COL24A1: variants seen among roughly 807,000 people sequenced by gnomAD.
The protein encoded by COL24A1 is collagen alpha-1(XXIV) chain.
Under a neutral mutation model 253.9 loss-of-function variants are expected in COL24A1, and 224 were observed. The observed-to-expected ratio is 0.88, with a 90% confidence interval of 0.79 to 0.99. The LOEUF is 0.99. Among genes scored for constraint, COL24A1 ranks in the 50% least tolerant of loss-of-function variants. The pLI is 0.00. For synonymous variants in COL24A1, 685 were observed against 673.7 expected (o/e 1.02, Z -0.26); for missense variants, 2,131 against 2,068.5 (o/e 1.03, Z -0.59).
Position 85,833,159 on chromosome 1 carries a change from G to A in COL24A1, c.3681+5426C>T, listed in dbSNP as rs548314926. The stretch of plus-strand genomic sequence containing the variant: ...GAAGGGTTGTTGAATTTTGTCAAAG[G>A]CCTTTTCTCAGAGTGAACAGGCAAC... On this transcript the variant is annotated intron_variant, in intron 43 of 59. Coordinates refer to ENST00000370571, the MANE Select transcript of COL24A1 (RefSeq NM_152890.7). Among the ~76,000 whole-genome samples, 4 of 152,174 alleles carry A rather than the reference G, an allele frequency of 2.6e-5. No individual in the cohort carries two copies. The East Asian group carries it at 7.7e-4, about 29-fold the overall frequency.
chr1:85,791,271 G>A (rs1670243919), intron 47 of COL24A1, among the ~76,000 whole-genome samples: 1 of 152,070 alleles, frequency 6.6e-6, no homozygotes, highest in African/African-American at 2.4e-5. Flanking sequence ...GTATGGGAAG[G>A]AGTCAATGCT....
Position 86,125,165 on chromosome 1 carries a change from T to G in COL24A1, c.1171A>C (p.Lys391Gln). 6.2e-7 allele frequency: 1 copy of G among 1,613,440 alleles called. No homozygotes were observed. The highest frequency in any genetic ancestry group is 8.5e-7 in the Non-Finnish European group (1 of 1,179,664). ...DDRVTGLSLF[K>Q]KMPSILPQIK... ...TGTGGAAGAATAGATGGCATCTTCT[T>G]AAACAGTGACAGACCAGTTACTCTA... Residue 391 changes from lysine to glutamine, a missense_variant, in exon 3 of 60, where the codon AAG becomes CAG. Physicochemically the swap from Lys to Gln is moderately conservative, Grantham distance 53. Coordinates refer to ENST00000370571, the MANE Select transcript of COL24A1 (RefSeq NM_152890.7).
At chr1:86,065,441 C>T (rs1701395736) in intron 7 of COL24A1, among the ~76,000 whole-genome samples, 1 of 152,040 alleles carries the variant, frequency 6.6e-6, no homozygotes, top group African/African-American at 2.4e-5. Flanking sequence ...CTTTTTTATG[C>T]ACACTTCTCT....
chr1:85,756,620 T>C (rs950391192), intron 55 of COL24A1, among the ~76,000 whole-genome samples: 1 of 152,194 alleles, frequency 6.6e-6, no homozygotes, highest in Non-Finnish European at 1.5e-5. Context: ...CTGGTGGTAA[T>C]GTAAAGTGTG....
At chr1:86,097,900 A>G (rs1489846586) in intron 5 of COL24A1, among the ~76,000 whole-genome samples, 1 of 152,182 alleles carries the variant, frequency 6.6e-6, no homozygotes, top group Non-Finnish European at 1.5e-5. Context: ...TTGGATGTTA[A>G]ATAGTGATCT....
At chr1:85,733,906 A>T (rs1160797335) in intron 59 of COL24A1, among the ~76,000 whole-genome samples, 1 of 131,412 alleles carries the variant, frequency 7.6e-6, no homozygotes, top group Non-Finnish European at 1.6e-5. Flanking sequence ...ATTTAATTTA[A>T]TTTTTTTTTT....
intron 20 of COL24A1, among the ~76,000 whole-genome samples, chr1:85,977,523 A>G (rs1291185371): frequency 6.6e-6 from 1 of 152,236 alleles, no homozygotes; most frequent in Non-Finnish European, 1.5e-5. Context: ...ATATCATAAA[A>G]ATATAATCAC....
At chr1:85,983,070 A>G (rs1424686839) in intron 20 of COL24A1, among the ~76,000 whole-genome samples, 1 of 152,018 alleles carries the variant, frequency 6.6e-6, no homozygotes, top group East Asian at 1.9e-4. Flanking sequence ...CATATATTAC[A>G]CAACATAATC....
At chr1:85,912,609 T>C (rs192324984) in intron 24 of COL24A1, among the ~76,000 whole-genome samples, 1 of 152,330 alleles carries the variant, frequency 6.6e-6, no homozygotes, top group Admixed American at 6.5e-5. Flanking sequence ...AATGATCCCA[T>C]ATATATAACA....
chr1:85,973,794 C>A (rs1328833794), intron 20 of COL24A1, among the ~76,000 whole-genome samples: 1 of 152,058 alleles, frequency 6.6e-6, no homozygotes, highest in Non-Finnish European at 1.5e-5. Context: ...CTTTTTCTCT[C>A]TTCTTTCAAA....
In COL24A1 at chr1:85,889,542, G is replaced by A. The variant is rs372829754; in HGVS notation, c.2976+18C>T. 8.1e-6 allele frequency: 13 copies of A among 1,601,880 alleles called. No individual in the cohort carries two copies. In the African/African-American group the frequency reaches 1.7e-4, roughly 21 times the overall value. ...TTATGAGAAAGACACAATTAGAAAA[G>A]TATAAAGATAAACTTACTGGCTCTC... On this transcript the variant is annotated intron_variant, in intron 32 of 59. Coordinates refer to ENST00000370571, the MANE Select transcript of COL24A1 (RefSeq NM_152890.7).
chr1:86,154,056 A>G (rs1470319538), intron 1 of COL24A1: 3 of 152,152 alleles, frequency 2.0e-5, no homozygotes, highest in Non-Finnish European at 4.4e-5. Context: ...AAGGAAAATA[A>G]AACTCAGGGA....
At chr1:85,872,520 C>G (rs931335581) in intron 35 of COL24A1, among the ~76,000 whole-genome samples, 4 of 152,076 alleles carry the variant, frequency 2.6e-5, no homozygotes, top group Admixed American at 6.6e-5. Context: ...ACAGAGCCCT[C>G]AGAAATAACA....
chr1:85,884,206 G>A (rs1208831467), intron 32 of COL24A1, among the ~76,000 whole-genome samples: 1 of 151,938 alleles, frequency 6.6e-6, no homozygotes. Context: ...GTTTCTGCTT[G>A]TCTCTGTAGA....
intron 46 of COL24A1, among the ~76,000 whole-genome samples, chr1:85,817,639 T>C (rs1352539519): frequency 2.0e-5 from 3 of 152,166 alleles, no homozygotes; most frequent in Admixed American, 2.0e-4. Flanking sequence ...TTTTTATTTG[T>C]CTAGAGAATG....
chr1:85,987,582 C>G lies in COL24A1; in HGVS notation c.2364+19G>C. On this transcript the variant is annotated intron_variant, in intron 20 of 59. Coordinates refer to ENST00000370571, the MANE Select transcript of COL24A1 (RefSeq NM_152890.7). Reference sequence around the variant, plus strand: ...AGATAACCATAATTGTTTAGTCTCTCTCTTCTTCTTCTTCTTACCTTTGGT... The same window carrying G: ...AGATAACCATAATTGTTTAGTCTCTGTCTTCTTCTTCTTCTTACCTTTGGT... The G allele has an allele frequency of 1.3e-6, 2 of 1,520,994 alleles. No homozygotes were observed. Among genetic ancestry groups the G allele is most frequent in the Non-Finnish European group, 1.8e-6 (2 of 1,108,742 alleles). 94.2% of individuals were successfully genotyped at this position (1,520,994 alleles called of 1,614,324 possible).
At chr1:85,796,802 T>C (rs557343196) in intron 47 of COL24A1, among the ~76,000 whole-genome samples, 14 of 152,310 alleles carry the variant, frequency 9.2e-5, no homozygotes, top group African/African-American at 3.4e-4. Context: ...GGATTAAGTA[T>C]AATACTATTG....
chr1:85,893,617 G>C (rs1442521511), intron 31 of COL24A1, among the ~76,000 whole-genome samples: 1 of 152,064 alleles, frequency 6.6e-6, no homozygotes, highest in Non-Finnish European at 1.5e-5. Context: ...TCAGATGTAT[G>C]GGAGGCAAGT....
intron 59 of COL24A1, among the ~76,000 whole-genome samples, chr1:85,732,239 T>C (rs12067749): frequency 0.27 from 40,547 of 151,062 alleles, 5,825 homozygotes; most frequent in East Asian, 0.35. Context: ...CTTTTCTTTT[T>C]TTTTTTTTTG....
Sources: allele counts gnomAD v4.1 joint callset (sites outside exome capture counted in the v4.1 genomes callset), GRCh38; gene constraint gnomAD v4.1.1; transcripts MANE v1.5; gene names NCBI Gene and HGNC (gene_info 2026-07-23, HGNC 2026-07-21).